The following SLC36A1 variants were observed in gnomAD, a reference collection of about 807,000 sequenced individuals.
The protein encoded by SLC36A1 is proton-coupled amino acid transporter 1.
A neutral mutation model predicts 47.5 loss-of-function variants in SLC36A1; 30 were observed. That is an observed-to-expected ratio of 0.63 (90% CI 0.47 to 0.86). The LOEUF (loss-of-function observed/expected upper bound fraction) is 0.86. Ranked by LOEUF, SLC36A1 falls within the 40% of genes least tolerant of loss-of-function variation. SLC36A1 has a pLI of 0.00. For missense variants in SLC36A1, 517 were observed against 606.0 expected, an observed-to-expected ratio of 0.85 and a Z score of 1.54; for synonymous variants, 255 against 249.7, an observed-to-expected ratio of 1.02 and a Z score of -0.20.
rs1261132907 is a variant in SLC36A1 at position 151,467,300 on chromosome 5, AAAAG to A, written c.504+21_504+24del. 6.9e-7 allele frequency: 1 copy of A among 1,440,560 alleles called. No individual in the cohort carries two copies. The highest frequency in any genetic ancestry group is 2.2e-5 in the Admixed American group (1 of 45,232). 89.2% of individuals were successfully genotyped at this position (1,440,560 alleles called of 1,614,324 possible). A position where few individuals can be genotyped will look rare whatever the true frequency, so the allele number is the denominator to read the frequency against. On this transcript the variant is annotated intron_variant, in intron 6 of 10. Transcript: ENST00000243389. ...TTTAAACAGGTAGGCACCTGGTTAAAAAAGAAAAAAAAAAAAAAAACCAGAGCGA... is the reference window on the plus strand; with the variant it reads ...TTTAAACAGGTAGGCACCTGGTTAAAAAAAAAAAAAAAAAAACCAGAGCGA...
chr5:151,529,409 T>C, the SLC36A1 span: 1 of 1,611,520 alleles, frequency 6.2e-7, no homozygotes, highest in East Asian at 2.2e-5. Flanking sequence ...AAGCAAGAGG[T>C]GACAGCAGCA....
the SLC36A1 span, chr5:151,505,725 C>G: frequency 6.2e-7 from 1 of 1,613,832 alleles, no homozygotes; most frequent in Non-Finnish European, 8.5e-7. Context: ...CATACCCACC[C>G]CCTTGTAGCC....
the SLC36A1 span, among the ~76,000 whole-genome samples, chr5:151,387,549 A>T: frequency 6.6e-6 from 1 of 152,088 alleles, no homozygotes; most frequent in Non-Finnish European, 1.5e-5. Flanking sequence ...CTCCATCTCA[A>T]CTCCTGCACA....
Position 151,488,076 on chromosome 5 carries a change from T to A in SLC36A1, c.1253T>A (p.Leu418His), listed in dbSNP as rs1759800935. The A allele has an allele frequency of 6.2e-7, 1 of 1,614,098 alleles. No individual in the cohort carries two copies. The highest frequency in any genetic ancestry group is 2.2e-5 in the East Asian group (1 of 44,868). ...GCCCTGGCCCTCATCATCCCACCGC[T>A]CCTGGAGGTCACCACCTTCTACTCA... The part of the protein sequence containing the change: ...SSALALIIPP[L>H]LEVTTFYSEG... Residue 418 changes from leucine (L) to histidine (H), a missense_variant, in exon 11 of 11, where the codon CTC (leucine) becomes CAC (histidine). Transcript: ENST00000243389.
At chr5:151,542,776 T>C in the SLC36A1 span, 1 of 1,614,222 alleles carries the variant, frequency 6.2e-7, no homozygotes, top group African/African-American at 1.3e-5. Flanking sequence ...CACTTGGATG[T>C]TGACAGAGAC....
At chr5:151,397,256 G>T in the SLC36A1 span, among the ~76,000 whole-genome samples, 1 of 152,310 alleles carries the variant, frequency 6.6e-6, no homozygotes, top group East Asian at 1.9e-4. Context: ...GACACTCTCT[G>T]TTGTATTCAC....
chr5:151,423,618 T>C, the SLC36A1 span, among the ~76,000 whole-genome samples: 1 of 152,180 alleles, frequency 6.6e-6, no homozygotes, highest in African/African-American at 2.4e-5. Context: ...AAATCAGTGG[T>C]GGCCAGGGGT....
chr5:151,531,627 G>T, the SLC36A1 span: 211 of 1,613,184 alleles, frequency 1.3e-4, no homozygotes, highest in Non-Finnish European at 1.7e-4. The surrounding 1 kb of genome is among the most constrained non-coding windows in gnomAD (Gnocchi z 5.7). Context: ...GCTCGTTCCC[G>T]CTGACCACGC....
At chr5:151,357,197 C>T in the SLC36A1 span, among the ~76,000 whole-genome samples, 4 of 152,222 alleles carry the variant, frequency 2.6e-5, no homozygotes, top group Non-Finnish European at 4.4e-5. Flanking sequence ...AAGGCCTTTC[C>T]CTGGATCACA....
chr5:151,474,536 T>A (rs1359452919), intron 8 of SLC36A1, among the ~76,000 whole-genome samples: 1 of 152,230 alleles, frequency 6.6e-6, no homozygotes, highest in Non-Finnish European at 1.5e-5. Flanking sequence ...CAAAATGCTT[T>A]GCACAGACCC....
chr5:151,382,035 C>T, the SLC36A1 span: 1 of 664,996 alleles, frequency 1.5e-6, no homozygotes, highest in Admixed American at 2.3e-5. Flanking sequence ...GGGAGCTCTC[C>T]CAGTCTTTGC....
At chr5:151,424,719 C>T in the SLC36A1 span, among the ~76,000 whole-genome samples, 4 of 151,860 alleles carry the variant, frequency 2.6e-5, no homozygotes, top group Non-Finnish European at 5.9e-5. Context: ...ATTTGATTGT[C>T]GAGTATTCTA....
chr5:151,373,064 A>G, the SLC36A1 span, among the ~76,000 whole-genome samples: 18 of 151,804 alleles, frequency 1.2e-4, 1 homozygote, highest in Admixed American at 1.2e-3. Context: ...AAAAATATAA[A>G]ATAAATATTT....
At chr5:151,541,692 T>C in the SLC36A1 span, among the ~76,000 whole-genome samples, 1 of 152,252 alleles carries the variant, frequency 6.6e-6, no homozygotes, top group Non-Finnish European at 1.5e-5. Context: ...AGGTATCCAC[T>C]AATGAAAGCA....
chr5:151,368,649 T>C, the SLC36A1 span, among the ~76,000 whole-genome samples: 6 of 152,232 alleles, frequency 3.9e-5, no homozygotes, highest in Non-Finnish European at 7.3e-5. Flanking sequence ...TTGGTTGTCC[T>C]CTGTTGCCAG....
chr5:151,521,328 C>T, the SLC36A1 span: 2 of 1,613,692 alleles, frequency 1.2e-6, no homozygotes, highest in Non-Finnish European at 1.7e-6. Context: ...GGATGCTGAG[C>T]CTGGCGGTGC....
intron 7 of SLC36A1, among the ~76,000 whole-genome samples, chr5:151,468,266 A>AAAAAAAAAAAATAT (rs55642458): frequency 1.6e-5 from 1 of 63,830 alleles, no homozygotes; most frequent in African/African-American, 8.8e-5. Flanking sequence ...AAAAAAAAAA[A>AAAAAAAAAAAATAT]ATATATATAT....
chr5:151,538,194 G>A, the SLC36A1 span, among the ~76,000 whole-genome samples: 4 of 152,304 alleles, frequency 2.6e-5, no homozygotes, highest in East Asian at 3.9e-4. Flanking sequence ...AACAGGAAGA[G>A]GATGACAAGA....
rs371732424 is a variant in SLC36A1, at chr5:151,462,880, CTTTTTT to C, written c.144-665_144-660del. ...TCTGTTGCAGTTTTGGGATCTGAGT[CTTTTTT>C]TTTTTTTGAGATGGAGTCTCCCTCT... On this transcript the variant is annotated intron_variant, in intron 2 of 10. Transcript: ENST00000243389. Among the ~76,000 whole-genome samples, 1,003 of 146,748 alleles carry C rather than the reference CTTTTTT, an allele frequency of 6.8e-3. 11 individuals carry two copies. The highest frequency in any genetic ancestry group is 0.024 in the African/African-American group (966 of 40,234).
Sources: gnomAD v4.1 joint callset for allele counts (sites outside exome capture counted in the v4.1 genomes callset) on GRCh38, gnomAD v4.1.1 for gene constraint, Gnocchi (gnomAD v3.1) non-coding constraint, MANE v1.5 for transcripts, NCBI Gene and HGNC (gene_info 2026-07-23, HGNC 2026-07-21) for gene names.